Variants in SEMA5A observed in about 807,000 individuals in gnomAD.
SEMA5A encodes semaphorin 5A, also known as semaphorin-5A.
In SEMA5A, 55 loss-of-function variants were observed where a neutral mutation model predicts 135.5. The observed-to-expected ratio is 0.41, with a 90% CI of 0.33 to 0.51. The LOEUF is 0.51. Among genes scored for constraint, SEMA5A ranks in the 20% least tolerant of loss-of-function variants. The probability of loss-of-function intolerance (pLI) is 0.37; values close to 1 mark genes in which losing one functional copy is unlikely to be tolerated. For missense variants in SEMA5A, 1,290 were observed against 1,419.9 expected, an observed-to-expected ratio of 0.91 and a Z score of 1.47; for synonymous variants, 580 against 546.5, an observed-to-expected ratio of 1.06 and a Z score of -0.85.
chr5:9,123,042 C>A (rs1353847067), intron 13 of SEMA5A, among the ~76,000 whole-genome samples: 1 of 151,718 alleles, frequency 6.6e-6, no homozygotes, highest in Admixed American at 6.6e-5. Flanking sequence ...ATCACGAGGT[C>A]AGAAGATCGA....
At chr5:9,060,732 C>T (rs1045063757) in intron 18 of SEMA5A, among the ~76,000 whole-genome samples, 2 of 152,086 alleles carry the variant, frequency 1.3e-5, no homozygotes, top group Non-Finnish European at 2.9e-5. Flanking sequence ...TATTGGGAGC[C>T]TCAGCTACAA....
In SEMA5A at chr5:9,042,942, A is replaced by G. The variant is rs1736041120; in HGVS notation, c.3180T>C (p.Tyr1060=). The change falls in exon 23 of 23, where the codon TAT becomes TAC. Residue 1060 remains tyrosine (Y), a synonymous_variant. Transcript: ENST00000382496. ...YFNPHLTGKT[Y]SNAYFTDLNN... ...TGAGATCTGTAAAGTAGGCATTAGAATAGGTCTTCCCAGTGAGATGTGGGT... is the reference window on the plus strand; with the variant it reads ...TGAGATCTGTAAAGTAGGCATTAGAGTAGGTCTTCCCAGTGAGATGTGGGT... The G allele has an allele frequency of 6.2e-7, 1 of 1,613,738 alleles. No individual in the cohort carries two copies. The highest frequency in any genetic ancestry group is 8.5e-7 in the Non-Finnish European group (1 of 1,179,686).
At position 9,041,812 on chromosome 5, in the gene SEMA5A, T is replaced by C. The variant is rs786841; in HGVS notation, c.*1085A>G. ...ACTCCAGAAAGCCAGCTTTACATGG[T>C]ATTAATGCTCGTGGTAGGGGCTGAT... On this transcript the variant is annotated 3_prime_UTR_variant, in exon 23 of 23. Transcript: ENST00000382496. The C allele has an allele frequency of 1, 152,649 of 152,808 alleles. 76,247 individuals carry two copies. Among genetic ancestry groups the C allele is most frequent in the Middle Eastern group, 1 (294 of 294 alleles). The allele number at this position is 152,808 out of a possible 1,614,324, so 9.5% of individuals were successfully genotyped here.
intron 1 of SEMA5A, among the ~76,000 whole-genome samples, chr5:9,516,390 G>A (rs534408574): frequency 1.3e-5 from 2 of 151,972 alleles, no homozygotes; most frequent in Non-Finnish European, 2.9e-5. Flanking sequence ...ACCGTTGGAA[G>A]CAGCACTTAG....
rs536807595 is a variant in SEMA5A at position 9,315,851 on chromosome 5, A to G, written c.270+2521T>C. Among the ~76,000 whole-genome samples, 3 of 152,266 alleles carry G rather than the reference A, an allele frequency of 2.0e-5. No individual in the cohort carries two copies. The South Asian group carries it at 6.2e-4, about 32-fold the overall frequency. On this transcript the variant is annotated intron_variant, in intron 5 of 22. Transcript: ENST00000382496. ...CCAGATTTCTTTACTATCAAGTTATAAGTTTTCCTGTTGTAATTAATAAGT... is the reference window on the plus strand; with the variant it reads ...CCAGATTTCTTTACTATCAAGTTATGAGTTTTCCTGTTGTAATTAATAAGT...
chr5:9,169,061 G>T (rs562126313), intron 11 of SEMA5A, among the ~76,000 whole-genome samples: 2 of 152,182 alleles, frequency 1.3e-5, no homozygotes, highest in Admixed American at 6.5e-5. Context: ...AAAATCCTGG[G>T]GGTCTAATGT....
At chr5:9,083,586 TCA>T (rs1561135655) in intron 16 of SEMA5A, among the ~76,000 whole-genome samples, 1,156 of 45,058 alleles carry the variant, frequency 0.026, 13 homozygotes, top group African/African-American at 0.048. Context: ...ATTCATCCAT[TCA>T]TCCATCCATC....
rs182439948 is a variant in SEMA5A at position 9,492,605 on chromosome 5, A to C, written c.-175+52979T>G. Among the ~76,000 whole-genome samples the C allele has an allele frequency of 3.3e-5, 5 of 152,336 alleles. No individual in the cohort carries two copies. In the East Asian group the frequency reaches 9.6e-4, roughly 29 times the overall value. On this transcript the variant is annotated intron_variant, in intron 1 of 22. Coordinates refer to ENST00000382496, the MANE Select transcript of SEMA5A (RefSeq NM_003966.3). ...TTATCATCTCCCTAATGTTTGCAACATGCAATTCTATTTACTTTCCATTTT... is the reference window on the plus strand; with the variant it reads ...TTATCATCTCCCTAATGTTTGCAACCTGCAATTCTATTTACTTTCCATTTT...
intron 15 of SEMA5A, among the ~76,000 whole-genome samples, chr5:9,115,473 T>C (rs1740462376): frequency 1.3e-5 from 2 of 152,236 alleles, no homozygotes; most frequent in African/African-American, 4.8e-5. Context: ...ACTGCCTTTT[T>C]GAACAGAAAT....
At chr5:9,407,082 T>C (rs1756914960) in intron 2 of SEMA5A, among the ~76,000 whole-genome samples, 1 of 152,220 alleles carries the variant, frequency 6.6e-6, no homozygotes, top group Non-Finnish European at 1.5e-5. Context: ...TTTCATGAGA[T>C]GTCTGTAGCA....
intron 5 of SEMA5A, 40 bp downstream of exon 5, chr5:9,318,332 G>A: frequency 6.3e-7 from 1 of 1,575,442 alleles, no homozygotes; most frequent in Non-Finnish European, 8.7e-7. Context: ...AGTTAATTGG[G>A]ATGGAAAATG....
At chr5:9,050,478 T>A in intron 20 of SEMA5A, 21 bp from the exon 21 acceptor site, 1 of 1,609,726 alleles carries the variant, frequency 6.2e-7, no homozygotes, top group East Asian at 2.2e-5. Flanking sequence ...AAAAGTCGAA[T>A]CACAATGTGT....
chr5:9,328,739 G>A (rs539786430), intron 4 of SEMA5A, among the ~76,000 whole-genome samples: 1 of 152,236 alleles, frequency 6.6e-6, no homozygotes, highest in South Asian at 2.1e-4. Context: ...TCATACCATT[G>A]CACCACTGCA....
At chr5:9,077,409 C>T (rs1025023338) in intron 16 of SEMA5A, among the ~76,000 whole-genome samples, 2 of 152,180 alleles carry the variant, frequency 1.3e-5, no homozygotes, top group African/African-American at 4.8e-5. Context: ...TTTCTTTCCA[C>T]TACTCTTACT....
At chr5:9,503,379 T>C (rs1735694229) in intron 1 of SEMA5A, among the ~76,000 whole-genome samples, 1 of 152,134 alleles carries the variant, frequency 6.6e-6, no homozygotes, top group Non-Finnish European at 1.5e-5. Flanking sequence ...AGCAGGTTGC[T>C]GGGGAAAGCC....
At chr5:9,218,091 T>C (rs3846583) in intron 8 of SEMA5A, among the ~76,000 whole-genome samples, 82,915 of 151,404 alleles carry the variant, frequency 0.55, 22,770 homozygotes, top group South Asian at 0.62. Context: ...AATATAACTA[T>C]TGGGTACTGG....
intron 1 of SEMA5A, among the ~76,000 whole-genome samples, chr5:9,540,893 T>C (rs1738047265): frequency 6.6e-6 from 1 of 152,198 alleles, no homozygotes; most frequent in African/African-American, 2.4e-5. Context: ...GCTCTTTGTG[T>C]GGAATTTTAT....
chr5:9,385,312 A>C (rs919054178), intron 2 of SEMA5A, among the ~76,000 whole-genome samples: 1 of 152,336 alleles, frequency 6.6e-6, no homozygotes, highest in South Asian at 2.1e-4. Context: ...TTAGGAAAAA[A>C]AATTGCTGTC....
In SEMA5A at chr5:9,182,160, CA is replaced by C. The variant is rs370384556; in HGVS notation, c.1273+8106del. The stretch of plus-strand genomic sequence containing the variant: ...GTTTTATTGCTTCTGCCCCCCACCC[CA>C]AAAAAAAATACGCTTCCTGAGGACA... On this transcript the variant is annotated intron_variant, in intron 11 of 22. Transcript: ENST00000382496. 9.9e-3 allele frequency among the ~76,000 whole-genome samples: 1,378 copies of C among 138,560 alleles called. 44 individuals carry two copies. The highest frequency in any genetic ancestry group is 0.034 in the African/African-American group (1,181 of 35,128). The allele number at this position is 138,560 out of a possible 152,430, so 90.9% of individuals were successfully genotyped here.
Sources: gnomAD v4.1 joint callset for allele counts (sites outside exome capture counted in the v4.1 genomes callset) on GRCh38, gnomAD v4.1.1 for gene constraint, MANE v1.5 for transcripts, NCBI Gene and HGNC (gene_info 2026-07-23, HGNC 2026-07-21) for gene names.